The following ABCC9 variants were observed in gnomAD, a reference collection of about 807,000 sequenced individuals.
The protein encoded by ABCC9 is ATP-binding cassette sub-family C member 9.
Under a neutral mutation model 188.3 loss-of-function variants are expected in ABCC9, and 95 were observed. That is an observed-to-expected ratio of 0.50 (90% CI 0.43 to 0.60). The LOEUF is 0.60. Ranked by LOEUF, ABCC9 falls within the 20% of genes least tolerant of loss-of-function variation. The probability of loss-of-function intolerance (pLI) is 0.00; values close to 1 mark genes in which losing one functional copy is unlikely to be tolerated. For synonymous variants in ABCC9, 659 were observed against 652.7 expected (o/e 1.01, Z -0.15); for missense variants, 1,102 against 1,876.3 (o/e 0.59, Z 7.62).
chr12:21,935,518 T>C (rs1369247618), intron 3 of ABCC9, among the ~76,000 whole-genome samples: 1 of 152,158 alleles, frequency 6.6e-6, no homozygotes, highest in Non-Finnish European at 1.5e-5. Flanking sequence ...TTTTCAAACA[T>C]TCCCTTAAAG....
chr12:21,884,098 G>A (rs574395441), intron 15 of ABCC9, among the ~76,000 whole-genome samples: 68 of 149,748 alleles, frequency 4.5e-4, no homozygotes, highest in African/African-American at 1.5e-3. Flanking sequence ...TTGAAACAGA[G>A]TCTCACTCTG....
chr12:21,874,486 G>A (rs976865422), intron 17 of ABCC9, among the ~76,000 whole-genome samples: 1 of 152,184 alleles, frequency 6.6e-6, no homozygotes, highest in Non-Finnish European at 1.5e-5. Context: ...ATTGCCATAT[G>A]ATCCAGCAAT....
At chr12:21,904,994 G>A (rs1356623480) in intron 12 of ABCC9, among the ~76,000 whole-genome samples, 2 of 152,158 alleles carry the variant, frequency 1.3e-5, no homozygotes, top group African/African-American at 4.8e-5. Flanking sequence ...GTTTATTGCA[G>A]CACTATTCAC....
chr12:21,882,370 A>G (rs1358893597), intron 16 of ABCC9, among the ~76,000 whole-genome samples: 1 of 152,176 alleles, frequency 6.6e-6, no homozygotes, highest in Non-Finnish European at 1.5e-5. Flanking sequence ...GAATGCATAC[A>G]CTAGTCTGAG....
Position 21,845,799 on chromosome 12 carries a change from A to T in ABCC9, c.2900T>A (p.Met967Lys). The T allele has an allele frequency of 6.2e-7, 1 of 1,613,762 alleles. No homozygotes were observed. The highest frequency in any genetic ancestry group is 8.5e-7 in the Non-Finnish European group (1 of 1,179,816). Residue 967 changes from methionine to lysine, a missense_variant, in exon 26 of 40, where the codon ATG (methionine) becomes AAG (lysine). Coordinates refer to ENST00000261200, the MANE Select transcript of ABCC9 (RefSeq NM_020297.4). ...AGTCCTGAGCCTCATTACAGTGGAC[A>T]TGTTATCATCCTCATCTTCCTCCTC... Reference protein sequence around the residue: ...EEEEEDEDDNMSTVMRLRTKM... With the variant: ...EEEEEDEDDNKSTVMRLRTKM...
intron 39 of ABCC9, among the ~76,000 whole-genome samples, chr12:21,803,570 G>A (rs750603623): frequency 3.2e-4 from 47 of 148,164 alleles, no homozygotes; most frequent in African/African-American, 9.7e-4. Flanking sequence ...CAGGAGAATC[G>A]TTTGAACCCA....
rs181946522 is a variant in ABCC9 at position 21,847,066 on chromosome 12, C to T, written c.2866+1084G>A. On this transcript the variant is annotated intron_variant, in intron 25 of 39. Coordinates refer to ENST00000261200, the MANE Select transcript of ABCC9 (RefSeq NM_020297.4). ...AGCATTCTGATAGGACCTGCAGCAACAAACTAATAAGTAATATGTACTGTA... is the reference window on the plus strand; with the variant it reads ...AGCATTCTGATAGGACCTGCAGCAATAAACTAATAAGTAATATGTACTGTA... Among the ~76,000 whole-genome samples, 366 of 152,212 alleles carry T rather than the reference C, an allele frequency of 2.4e-3. 1 individual carries two copies. Among genetic ancestry groups the T allele is most frequent in the African/African-American group, 8.3e-3 (343 of 41,532 alleles).
chr12:21,908,097 C>T lies in ABCC9; in HGVS notation c.1435G>A (p.Glu479Lys). Residue 479 changes from glutamate (E) to lysine (K), a missense_variant, in exon 11 of 40, where the codon GAG becomes AAG. Transcript: ENST00000261200. ...IQYFIATKLAEAQKSTLDYST... is the reference protein window; with the variant it reads ...IQYFIATKLAKAQKSTLDYST... ...CTTACAAGTGTACTTTTCTGAGCCT[C>T]TGCCAACTTTGTAGCAATAAAGTAC... is the stretch of plus-strand genomic sequence containing the variant. 1 of 1,612,484 alleles carries T rather than the reference C, an allele frequency of 6.2e-7. No individual in the cohort carries two copies. Among genetic ancestry groups the T allele is most frequent in the Non-Finnish European group, 8.5e-7 (1 of 1,178,936 alleles).
rs762907980 is a variant in ABCC9 at position 21,933,781 on chromosome 12, C to T, written c.284+1G>A. 11 of 1,613,234 alleles carry T rather than the reference C, an allele frequency of 6.8e-6. No individual in the cohort carries two copies. Among genetic ancestry groups the T allele is most frequent in the Admixed American group, 1.7e-5 (1 of 59,960 alleles). ...GGTATTATTTAACTTAGATCACTTA[C>T]GAGTCTGAAACAATGCCTTCTGCTA... On this transcript the variant is annotated splice_donor_variant, in intron 4 of 39. Coordinates refer to ENST00000261200, the MANE Select transcript of ABCC9 (RefSeq NM_020297.4). LOFTEE classifies it high-confidence loss of function.
chr12:21,815,636 A>G (rs1484932295), intron 34 of ABCC9, 127 bp downstream of exon 34: 1 of 1,153,238 alleles, frequency 8.7e-7, no homozygotes, highest in Non-Finnish European at 1.3e-6. Context: ...TTATGCAGAT[A>G]ATTTGACCTA....
Position 21,812,071 on chromosome 12 carries a change from T to C in ABCC9, c.4189A>G (p.Ile1397Val), listed in dbSNP as rs1162169303. The C allele has an allele frequency of 7.5e-6, 12 of 1,610,196 alleles. No homozygotes were observed. The highest frequency in any genetic ancestry group is 1.0e-5 in the Non-Finnish European group (12 of 1,176,716). Residue 1397 changes from isoleucine to valine, a missense_variant, in exon 36 of 40, where the codon ATA (isoleucine) becomes GTA (valine). Physicochemically the swap from Ile to Val is conservative, Grantham distance 29. Transcript: ENST00000261200. ...SRLSIILQDPILFSGSIRFNL... is the reference protein window; with the variant it reads ...SRLSIILQDPVLFSGSIRFNL... ...TACCTAATGGAACCACTGAATAGTA[T>C]TGGATCCTGCAGAATGATTGAAAGT...
At chr12:21,832,290 G>C (rs1026250678) in intron 30 of ABCC9, among the ~76,000 whole-genome samples, 1 of 152,040 alleles carries the variant, frequency 6.6e-6, no homozygotes, top group Non-Finnish European at 1.5e-5. Context: ...CCCTCAATGC[G>C]GGGGAGGAAA....
intron 33 of ABCC9, among the ~76,000 whole-genome samples, chr12:21,816,716 CTG>C (rs1942673185): frequency 6.6e-6 from 1 of 152,040 alleles, no homozygotes; most frequent in African/African-American, 2.4e-5. Flanking sequence ...AACTAGATGA[CTG>C]TTGAAAAATT....
Position 21,842,432 on chromosome 12 carries a change from G to A in ABCC9, c.3355C>T (p.Leu1119=). 1 of 1,614,158 alleles carries A rather than the reference G, an allele frequency of 6.2e-7. No homozygotes were observed. Among genetic ancestry groups the A allele is most frequent in the Non-Finnish European group, 8.5e-7 (1 of 1,179,990 alleles). The change falls in exon 29 of 40, where the codon CTG becomes TTG. Residue 1119 remains leucine (L), a synonymous_variant. Transcript: ENST00000261200. ...PTLESLTRST[L]LCLSAIGMIS... is the part of the protein sequence containing the mutation. ...ATCCCAATGGCAGACAGGCAGAGCAGTGTTGAGCGAGTTAGAGATTCCAAG... is the reference window on the plus strand; with the variant it reads ...ATCCCAATGGCAGACAGGCAGAGCAATGTTGAGCGAGTTAGAGATTCCAAG...
At chr12:21,801,397 G>C (rs1941421864) in intron 39 of ABCC9, among the ~76,000 whole-genome samples, 1 of 151,942 alleles carries the variant, frequency 6.6e-6, no homozygotes, top group South Asian at 2.1e-4. Context: ...GTTTTCTATG[G>C]GCTGTACTAA....
chr12:21,809,611 A>G (rs1942093375), intron 37 of ABCC9, among the ~76,000 whole-genome samples: 1 of 152,196 alleles, frequency 6.6e-6, no homozygotes, highest in South Asian at 2.1e-4. Flanking sequence ...TGGCAGAGAT[A>G]AATGTATTAA....
Position 21,927,151 on chromosome 12 carries a change from A to G in ABCC9, c.285-1088T>C, listed in dbSNP as rs530267939. On this transcript the variant is annotated intron_variant, in intron 4 of 39. Coordinates refer to ENST00000261200, the MANE Select transcript of ABCC9 (RefSeq NM_020297.4). ...ACATAGAAGCATGAAACAATACAACATGTTCAAAATTCCAAGTAGTTTAAT... is the reference window on the plus strand; with the variant it reads ...ACATAGAAGCATGAAACAATACAACGTGTTCAAAATTCCAAGTAGTTTAAT... Among the ~76,000 whole-genome samples, 3 of 152,326 alleles carry G rather than the reference A, an allele frequency of 2.0e-5. No homozygotes were observed. In the East Asian group the frequency reaches 5.8e-4, roughly 29 times the overall value.
Position 21,915,775 on chromosome 12 carries a change from A to G in ABCC9, c.709T>C (p.Ser237Pro). The G allele has an allele frequency of 1.1e-5, 18 of 1,613,308 alleles. No homozygotes were observed. Among genetic ancestry groups the G allele is most frequent in the Non-Finnish European group, 1.5e-5 (18 of 1,179,768 alleles). The stretch of plus-strand genomic sequence containing the variant: ...AGATCAATAGGCTTTTTGTGAGCAG[A>G]TATAATAAGTGTGTTCATCCACCAG... ...TYWWMNTLII[S>P]AHKKPIDLKA... The change falls in exon 7 of 40, where the codon TCT becomes CCT. Residue 237 changes from serine (S) to proline (P), a missense_variant. Transcript: ENST00000261200.
chr12:21,812,228 G>A, intron 35 of ABCC9, 71 bp from the exon 36 acceptor site: 1 of 1,210,400 alleles, frequency 8.3e-7, no homozygotes. Context: ...TTTACAAATT[G>A]AAAGTTATTT....
Sources: allele counts gnomAD v4.1 joint callset (sites outside exome capture counted in the v4.1 genomes callset), GRCh38; gene constraint gnomAD v4.1.1; transcripts MANE v1.5; gene names NCBI Gene and HGNC (gene_info 2026-07-23, HGNC 2026-07-21).